Variants in HECW1 observed in about 807,000 individuals in gnomAD.
The protein encoded by HECW1 is E3 ubiquitin-protein ligase HECW1.
HECW1 carries 61 observed loss-of-function variants against 182.3 expected under a neutral mutation model. The observed-to-expected ratio is 0.33, with a 90% CI of 0.27 to 0.41. The LOEUF (loss-of-function observed/expected upper bound fraction) is 0.41. Among genes scored for constraint, HECW1 ranks in the 10% least tolerant of loss-of-function variants. The pLI is 1.00. For synonymous variants in HECW1, 859 were observed against 832.6 expected (o/e 1.03, Z -0.55); for missense variants, 1,739 against 2,108.9 (o/e 0.82, Z 3.44).
chr7:43,235,268 G>T (rs2152712308), intron 2 of HECW1, among the ~76,000 whole-genome samples: 1 of 152,292 alleles, frequency 6.6e-6, no homozygotes, highest in African/African-American at 2.4e-5. Context: ...CTGCTCTGAG[G>T]AGTGGCCACA....
intron 3 of HECW1, among the ~76,000 whole-genome samples, chr7:43,247,758 G>A (rs1382933639): frequency 1.3e-4 from 3 of 23,396 alleles, no homozygotes; most frequent in Non-Finnish European, 3.5e-4. Context: ...AGGGAGGAAG[G>A]GAAAGAGAGG....
At chr7:43,161,003 T>C (rs1285873426) in intron 2 of HECW1, among the ~76,000 whole-genome samples, 1 of 152,018 alleles carries the variant, frequency 6.6e-6, no homozygotes. Context: ...TTCTAAACCA[T>C]CAGCTTTCTT....
intron 23 of HECW1, chr7:43,508,579 C>T (rs1234958327): frequency 4.0e-6 from 1 of 248,490 alleles, no homozygotes; most frequent in Non-Finnish European, 7.8e-6. Context: ...TCAGTCCACC[C>T]ACATACACAT....
intron 13 of HECW1, among the ~76,000 whole-genome samples, chr7:43,460,843 C>A (rs2077559303): frequency 6.6e-6 from 1 of 152,178 alleles, no homozygotes; most frequent in Non-Finnish European, 1.5e-5. Flanking sequence ...CGGCAGAGGT[C>A]AGACGTAGGG....
chr7:43,222,154 G>A (rs536988033), intron 2 of HECW1, among the ~76,000 whole-genome samples: 6 of 152,300 alleles, frequency 3.9e-5, no homozygotes. Context: ...AATTTCTGGG[G>A]TTGGAACCCA....
chr7:43,491,686 A>G (rs980442726), intron 17 of HECW1, among the ~76,000 whole-genome samples: 62 of 152,048 alleles, frequency 4.1e-4, no homozygotes, highest in African/African-American at 1.4e-3. Context: ...CCTACCTCCC[A>G]GGTTCAAGTG....
chr7:43,178,341 C>A (rs970255370), intron 2 of HECW1, among the ~76,000 whole-genome samples: 1 of 152,132 alleles, frequency 6.6e-6, no homozygotes, highest in East Asian at 1.9e-4. Flanking sequence ...ATGGACCGAG[C>A]CACAAGCTTT....
chr7:43,524,500 G>T (rs1350688715), intron 24 of HECW1, among the ~76,000 whole-genome samples: 1 of 152,102 alleles, frequency 6.6e-6, no homozygotes, highest in Non-Finnish European at 1.5e-5. Context: ...GGAAAGAGGG[G>T]TATCTTTGAG....
chr7:43,409,862 C>G (rs1376263705), intron 8 of HECW1, among the ~76,000 whole-genome samples: 2 of 152,250 alleles, frequency 1.3e-5, no homozygotes, highest in African/African-American at 2.4e-5. Flanking sequence ...CATAGCTCCT[C>G]TGCAGAGCAT....
chr7:43,256,285 A>G (rs1420912236), intron 3 of HECW1, among the ~76,000 whole-genome samples: 1 of 152,214 alleles, frequency 6.6e-6, no homozygotes, highest in Non-Finnish European at 1.5e-5. Context: ...AAAAGGGAGC[A>G]TTATAGTTCA....
intron 2 of HECW1, among the ~76,000 whole-genome samples, chr7:43,121,508 T>C (rs552007035): frequency 6.6e-6 from 1 of 152,332 alleles, no homozygotes; most frequent in Non-Finnish European, 1.5e-5. Flanking sequence ...TCTGTGCTTT[T>C]CCGTAGTTGT....
At chr7:43,468,121 G>A (rs973121356) in intron 15 of HECW1, among the ~76,000 whole-genome samples, 16 of 151,412 alleles carry the variant, frequency 1.1e-4, no homozygotes, top group Non-Finnish European at 2.1e-4. Flanking sequence ...CACCAACCCT[G>A]TGTACCGTCA....
chr7:43,154,263 G>C (rs1348585143), intron 2 of HECW1, among the ~76,000 whole-genome samples: 1 of 151,992 alleles, frequency 6.6e-6, no homozygotes. Flanking sequence ...CAAATATATT[G>C]ATATATTTGA....
At chr7:43,516,252 G>A (rs757075827) in intron 24 of HECW1, among the ~76,000 whole-genome samples, 35 of 152,072 alleles carry the variant, frequency 2.3e-4, no homozygotes, top group Non-Finnish European at 4.6e-4. Context: ...TGGAAGGAAG[G>A]AAGGAAAAAA....
At chr7:43,253,658 A>G (rs1480493423) in intron 3 of HECW1, among the ~76,000 whole-genome samples, 1 of 152,138 alleles carries the variant, frequency 6.6e-6, no homozygotes, top group Non-Finnish European at 1.5e-5. Context: ...AGAGATGTGC[A>G]TTGGGAGGCC....
chr7:43,214,117 G>A (rs1796241021), intron 2 of HECW1, among the ~76,000 whole-genome samples: 1 of 151,042 alleles, frequency 6.6e-6, no homozygotes. Context: ...TTTTCTAATT[G>A]AAATACACAT....
At chr7:43,127,542 A>AAAAG (rs1786403826) in intron 2 of HECW1, among the ~76,000 whole-genome samples, 3 of 151,454 alleles carry the variant, frequency 2.0e-5, no homozygotes, top group Non-Finnish European at 2.9e-5. Flanking sequence ...AAAAAAAAAA[A>AAAAG]AAAAGGAAAA....
intron 2 of HECW1, among the ~76,000 whole-genome samples, chr7:43,239,732 C>T (rs1798699122): frequency 6.6e-6 from 1 of 152,238 alleles, no homozygotes; most frequent in South Asian, 2.1e-4. Context: ...GATACACCCA[C>T]TTAAAATAAG....
At position 43,479,746 on chromosome 7, in the gene HECW1, T is replaced by C. The variant is rs1400396007; in HGVS notation, c.3234+2T>C. On this transcript the variant is annotated splice_donor_variant, in intron 17 of 29. Transcript: ENST00000395891. LOFTEE classifies it high-confidence loss of function. ...CTCCGAAGTTACAGCGCTGGAGAGG[T>C]AACCCTCCCTACACCCCGCCCTACT... is the stretch of plus-strand genomic sequence containing the variant. 6.2e-7 allele frequency: 1 copy of C among 1,613,840 alleles called. No individual in the cohort carries two copies.
Sources: allele counts gnomAD v4.1 joint callset (sites outside exome capture counted in the v4.1 genomes callset), GRCh38; gene constraint gnomAD v4.1.1; transcripts MANE v1.5; gene names NCBI Gene and HGNC (gene_info 2026-07-23, HGNC 2026-07-21).